The following XPO1 variants were observed in gnomAD, a reference collection of about 807,000 sequenced individuals.
XPO1 encodes the protein exportin 1.
In XPO1, 5 loss-of-function variants were observed where a neutral mutation model predicts 133.3. The observed-to-expected ratio is 0.04, with a 90% CI of 0.02 to 0.08. The LOEUF (loss-of-function observed/expected upper bound fraction) is 0.08. XPO1 is among the 10% of genes least tolerant of loss of function. XPO1 has a pLI of 1.00. For synonymous variants in XPO1, 419 were observed against 408.2 expected (o/e 1.03, Z -0.32); for missense variants, 506 against 1,267.5 (o/e 0.40, Z 9.12).
chr2:61,529,620 C>G (rs1699065115), intron 2 of XPO1, among the ~76,000 whole-genome samples: 2 of 151,762 alleles, frequency 1.3e-5, no homozygotes, highest in South Asian at 4.2e-4. Flanking sequence ...TGAGATCACA[C>G]CACTGCACTC....
chr2:61,490,850 C>T, intron 16 of XPO1, 74 bp from the exon 17 acceptor site: 1 of 1,556,426 alleles, frequency 6.4e-7, no homozygotes, highest in Non-Finnish European at 8.7e-7. Context: ...AAGCAATTCA[C>T]AAACGTCTTG....
At chr2:61,507,380 C>G (rs1697881150) in intron 4 of XPO1, among the ~76,000 whole-genome samples, 1 of 151,916 alleles carries the variant, frequency 6.6e-6, no homozygotes, top group African/African-American at 2.4e-5. Flanking sequence ...TTGAGACCAG[C>G]TTGGGCAACA....
At chr2:61,498,543 T>C in intron 9 of XPO1, 130 bp downstream of exon 9, 2 of 1,193,016 alleles carry the variant, frequency 1.7e-6, no homozygotes, top group South Asian at 3.6e-5. Flanking sequence ...ATGGGAAATT[T>C]CTCCTGAGCA....
At chr2:61,518,348 C>G (rs567936947) in intron 4 of XPO1, among the ~76,000 whole-genome samples, 2 of 149,778 alleles carry the variant, frequency 1.3e-5, no homozygotes, top group African/African-American at 2.5e-5. Flanking sequence ...GTCAGGAGAT[C>G]GAGACCATCC....
At chr2:61,488,836 T>A in intron 17 of XPO1, 65 bp from the exon 18 acceptor site, 2 of 1,555,340 alleles carry the variant, frequency 1.3e-6, no homozygotes, top group South Asian at 2.4e-5. Context: ...GAACAGTGGC[T>A]CACGCCTGTA....
intron 11 of XPO1, 192 bp from the exon 12 acceptor site, chr2:61,494,283 A>C: frequency 1.9e-6 from 1 of 524,170 alleles, no homozygotes; most frequent in Non-Finnish European, 3.4e-6. Context: ...AAAGCACTTC[A>C]AAAATCTCTC....
chr2:61,490,712 T>C lies in XPO1; in HGVS notation c.1952A>G (p.Glu651Gly). 6.2e-7 allele frequency: 1 copy of C among 1,614,064 alleles called. No homozygotes were observed. Among genetic ancestry groups the C allele is most frequent in the Non-Finnish European group, 8.5e-7 (1 of 1,180,042 alleles). Residue 651 changes from glutamate to glycine, a missense_variant, in exon 17 of 25, where the codon GAA (glutamate) becomes GGA (glycine). Around this residue, in one of 6 missense-constraint regions of XPO1, gnomAD observed 60 missense variants for 211.0 expected, o/e 0.28. Transcript: ENST00000401558. ...TAACATGTACTTTTCTATCAAGTGT[T>C]CTTGTACTGTTTGATCTGTTTGTGC... is the stretch of plus-strand genomic sequence containing the variant. Reference protein sequence around the residue: ...IGAQTDQTVQEHLIEKYMLLP... With the variant: ...IGAQTDQTVQGHLIEKYMLLP...
At chr2:61,529,676 A>G (rs1371358314) in intron 2 of XPO1, among the ~76,000 whole-genome samples, 1 of 152,146 alleles carries the variant, frequency 6.6e-6, no homozygotes, top group Non-Finnish European at 1.5e-5. Flanking sequence ...CAAAAAAAAA[A>G]AAAAAGAAAG....
chr2:61,512,572 A>T (rs1485759246), intron 4 of XPO1, among the ~76,000 whole-genome samples: 3 of 152,230 alleles, frequency 2.0e-5, no homozygotes, highest in Non-Finnish European at 4.4e-5. Flanking sequence ...AATTCTCTAT[A>T]TTAGCAAGAA....
intron 4 of XPO1, among the ~76,000 whole-genome samples, chr2:61,515,914 T>A (rs1297891388): frequency 1.1e-3 from 126 of 117,572 alleles, no homozygotes; most frequent in Non-Finnish European, 1.6e-3. Flanking sequence ...AAACCCCATC[T>A]CTACTAAAAA....
chr2:61,482,731 G>T (rs1240065725), intron 22 of XPO1, 192 bp from the exon 23 acceptor site: 1 of 729,518 alleles, frequency 1.4e-6, no homozygotes, highest in Non-Finnish European at 2.1e-6. Flanking sequence ...TCAGCCTCCC[G>T]AATAGGTGGG....
At chr2:61,521,639 T>G (rs921316956) in intron 4 of XPO1, among the ~76,000 whole-genome samples, 1 of 152,218 alleles carries the variant, frequency 6.6e-6, no homozygotes, top group Non-Finnish European at 1.5e-5. Flanking sequence ...TTTCTTCATT[T>G]CAGAAGCCAA....
At chr2:61,525,904 G>C in intron 3 of XPO1, 1 of 1,048,066 alleles carries the variant, frequency 9.5e-7, no homozygotes, top group Non-Finnish European at 1.2e-6. Context: ...GCCTAAAACA[G>C]ACAAAACACA....
At chr2:61,533,939 A>G in intron 1 of XPO1, 36 bp from the exon 2 acceptor site, 1 of 1,443,778 alleles carries the variant, frequency 6.9e-7, no homozygotes. Context: ...GCTGCCTATC[A>G]AGTTTTGGTA....
In XPO1 at chr2:61,495,620, A is replaced by G; in HGVS notation, c.889-7T>C. On this transcript the variant is annotated splice_polypyrimidine_tract_variant and splice_region_variant and intron_variant, in intron 10 of 24. Transcript: ENST00000401558. ...TGGTATTTAAAGGAAGCATCTGCAA[A>G]TTTTAAAAGGGACGATCAGTTCGCA... 1 of 1,551,974 alleles carries G rather than the reference A, an allele frequency of 6.4e-7. No individual in the cohort carries two copies. Among genetic ancestry groups the G allele is most frequent in the Non-Finnish European group, 8.7e-7 (1 of 1,146,122 alleles).
chr2:61,525,022 G>A (rs1231038207), intron 3 of XPO1, among the ~76,000 whole-genome samples: 1 of 151,682 alleles, frequency 6.6e-6, no homozygotes, highest in Non-Finnish European at 1.5e-5. Context: ...ACATTCTGAA[G>A]AATTATACTT....
chr2:61,523,775 T>C (rs1221628367), intron 3 of XPO1, among the ~76,000 whole-genome samples: 2 of 152,236 alleles, frequency 1.3e-5, no homozygotes, highest in East Asian at 3.8e-4. Context: ...ATATAGACTG[T>C]CCCAAACTAC....
At chr2:61,523,115 T>G (rs930825285) in intron 3 of XPO1, among the ~76,000 whole-genome samples, 1 of 152,352 alleles carries the variant, frequency 6.6e-6, no homozygotes, top group Admixed American at 6.5e-5. Context: ...CTAGGAGTTA[T>G]AAGCTTTTGG....
intron 9 of XPO1, 133 bp from the exon 10 acceptor site, chr2:61,497,140 G>A: frequency 1.7e-6 from 2 of 1,160,382 alleles, no homozygotes; most frequent in South Asian, 3.6e-5. Context: ...CCAAGTGAAT[G>A]AACATATTTT....
Sources: allele counts gnomAD v4.1 joint callset (sites outside exome capture counted in the v4.1 genomes callset), GRCh38; gene constraint gnomAD v4.1.1; regional missense constraint gnomAD v4.1.1; transcripts MANE v1.5; gene names NCBI Gene and HGNC (gene_info 2026-07-23, HGNC 2026-07-21).